SPON2: variants seen among roughly 807,000 people sequenced by gnomAD.
SPON2 encodes spondin 2.
In SPON2, 32 loss-of-function variants were observed where a neutral mutation model predicts 29.9. The ratio of observed to expected loss-of-function variants is 1.07; its 90% CI spans 0.81 to 1.44. SPON2 has a LOEUF of 1.44. SPON2 is among the 40% of genes most tolerant of loss of function. SPON2 has a pLI of 0.00. For missense variants in SPON2, 541 were observed against 455.5 expected (o/e 1.19, Z -1.71); for synonymous variants, 248 against 209.1 (o/e 1.19, Z -1.61).
rs1260934851 is a variant in SPON2, at chr4:1,204,691, G to A, written c.-234+3189C>T. Among the ~76,000 whole-genome samples, 3 of 152,122 alleles carry A rather than the reference G, an allele frequency of 2.0e-5. 1 individual carries two copies. The highest frequency in any genetic ancestry group is 4.2e-4 in the South Asian group (2 of 4,816). On this transcript the variant is annotated intron_variant, in intron 1 of 3. Coordinates refer to the SPON2 transcript ENST00000509233. ...AATCTACCTGATTCCAGGGTTCTCC[G>A]GTGTTTTAATTGGCCCCGCTGTGGC...
chr4:1,189,046 A>C (rs1218584674), intron 1 of SPON2, among the ~76,000 whole-genome samples: 1 of 152,210 alleles, frequency 6.6e-6, no homozygotes, highest in African/African-American at 2.4e-5. Context: ...TGGGTAATTA[A>C]AAAATATGTT....
At chr4:1,192,345 T>A (rs1415072804) in intron 1 of SPON2, among the ~76,000 whole-genome samples, 1 of 152,118 alleles carries the variant, frequency 6.6e-6, no homozygotes, top group Non-Finnish European at 1.5e-5. Context: ...CTGGCCAGGG[T>A]TGGCTGTGGA....
At chr4:1,188,048 CAA>C (rs59908237) in intron 1 of SPON2, among the ~76,000 whole-genome samples, 5 of 135,006 alleles carry the variant, frequency 3.7e-5, no homozygotes, top group Non-Finnish European at 1.6e-5. Context: ...CTAAAAAATA[CAA>C]AAAAAAAAAA....
chr4:1,170,381 T>C lies in SPON2; in HGVS notation c.811+21A>G, dbSNP rs779943939. The C allele has an allele frequency of 1.6e-5, 25 of 1,607,582 alleles. No homozygotes were observed. The South Asian group carries it at 2.4e-4, about 16-fold the overall frequency. On this transcript the variant is annotated intron_variant, in intron 5 of 5. Transcript: ENST00000290902. ...GGGTTCGGGGCTGCTGTGTGTCCCA[T>C]GTGACCTGTATGTCCGTTACCTGAG...
chr4:1,168,938 A>G (rs866970753), intron 5 of SPON2, among the ~76,000 whole-genome samples: 1 of 152,294 alleles, frequency 6.6e-6, no homozygotes, highest in African/African-American at 2.4e-5. Flanking sequence ...GCCAGAAGTC[A>G]CAGGAGAGAC....
At chr4:1,180,748 C>G (rs1042919161) in intron 1 of SPON2, among the ~76,000 whole-genome samples, 1 of 152,142 alleles carries the variant, frequency 6.6e-6, no homozygotes, top group Non-Finnish European at 1.5e-5. Context: ...AATTTAAACT[C>G]TCACTAGAGG....
intron 5 of SPON2, among the ~76,000 whole-genome samples, chr4:1,168,852 C>T (rs895585187): frequency 6.6e-6 from 1 of 152,232 alleles, no homozygotes; most frequent in Non-Finnish European, 1.5e-5. Flanking sequence ...CTGAGCCAGG[C>T]TGGCTTGGCG....
chr4:1,169,084 C>G (rs1257254105), intron 5 of SPON2, among the ~76,000 whole-genome samples: 1 of 152,028 alleles, frequency 6.6e-6, no homozygotes, highest in Admixed American at 6.6e-5. Context: ...AGTCTCTCCC[C>G]ACCCTTCCCC....
rs1560201539 is a variant in SPON2 at position 1,171,292 on chromosome 4, C to T, written c.415G>A (p.Glu139Lys). The change falls in exon 3 of 6, where the codon GAG becomes AAG. Residue 139 changes from glutamate (E) to lysine (K), a missense_variant. Physicochemically the swap from Glu to Lys is moderately conservative, Grantham distance 56 (BLOSUM62 1). Transcript: ENST00000290902. ...VPSGTGQTSAELEVQRRHSLV... is the reference protein window; with the variant it reads ...VPSGTGQTSAKLEVQRRHSLV... ...GAGTGCCTGCGCTGCACCTCCAGCT[C>T]CGCCGACGTCTGCCCGGTGCCGCTG... The T allele has an allele frequency of 6.3e-7, 1 of 1,578,336 alleles. No individual in the cohort carries two copies. The highest frequency in any genetic ancestry group is 2.3e-5 in the East Asian group (1 of 42,912).
intron 5 of SPON2, chr4:1,167,925 A>T (rs2153076396): frequency 5.0e-6 from 2 of 400,666 alleles, no homozygotes; most frequent in African/African-American, 4.1e-5. Context: ...GAACTCCCAC[A>T]TCGTGGCAGA....
At chr4:1,180,451 CA>C (rs752010736) in intron 1 of SPON2, among the ~76,000 whole-genome samples, 11 of 152,246 alleles carry the variant, frequency 7.2e-5, no homozygotes, top group Admixed American at 7.2e-4. Context: ...TTAAAATGTT[CA>C]TTTTTCAACA....
chr4:1,177,124 G>A (rs1272085505), upstream of SPON2, among the ~76,000 whole-genome samples: 1 of 152,244 alleles, frequency 6.6e-6, no homozygotes, highest in African/African-American at 2.4e-5. Flanking sequence ...GCCCCAAGGT[G>A]GTTTTCAGGA....
At chr4:1,185,301 C>A (rs1228912142) in intron 1 of SPON2, among the ~76,000 whole-genome samples, 1 of 151,494 alleles carries the variant, frequency 6.6e-6, no homozygotes, top group African/African-American at 2.4e-5. Flanking sequence ...GTCTTGAACT[C>A]CTTACCTCAA....
chr4:1,190,138 G>C (rs1727885754), intron 1 of SPON2, among the ~76,000 whole-genome samples: 1 of 151,974 alleles, frequency 6.6e-6, no homozygotes. Context: ...AGATTTATGA[G>C]GGACTCTTAT....
chr4:1,175,389 C>T (rs989575626), upstream of SPON2, among the ~76,000 whole-genome samples: 10 of 152,268 alleles, frequency 6.6e-5, no homozygotes, highest in African/African-American at 2.2e-4. Flanking sequence ...AGCCCAGGGG[C>T]AGCAGGAGCT....
chr4:1,193,822 TGGCGTGGGAAGGACGTGGGGGGGCAGC>T, intron 1 of SPON2, among the ~76,000 whole-genome samples: 1 of 8,288 alleles, frequency 1.2e-4, no homozygotes, highest in Admixed American at 1.4e-3. Flanking sequence ...CGTGGGGGGG[TGGCGTGGGAAGGACGTGGGGGGGCAGC>T]GTGGGAAGGA....
At chr4:1,170,606 G>C (rs1304108557) in intron 4 of SPON2, 30 bp from the exon 5 acceptor site, 1 of 1,589,986 alleles carries the variant, frequency 6.3e-7, no homozygotes, top group Non-Finnish European at 8.6e-7. Flanking sequence ...GGTTGGCCTG[G>C]GGTCCGAGAA....
At chr4:1,187,806 T>C (rs184754916) in intron 1 of SPON2, among the ~76,000 whole-genome samples, 6 of 152,298 alleles carry the variant, frequency 3.9e-5, no homozygotes, top group Admixed American at 3.9e-4. Context: ...TCTCTGCAGT[T>C]GTCTTTTAAA....
chr4:1,173,644 C>T (rs968692476), upstream of SPON2, among the ~76,000 whole-genome samples: 7 of 152,202 alleles, frequency 4.6e-5, no homozygotes, highest in African/African-American at 1.7e-4. Context: ...TCGGAATCAC[C>T]CAGAGGGCTT....
Sources: allele counts gnomAD v4.1 joint callset (sites outside exome capture counted in the v4.1 genomes callset), GRCh38; gene constraint gnomAD v4.1.1; transcripts MANE v1.5; gene names NCBI Gene and HGNC (gene_info 2026-07-23, HGNC 2026-07-21).